The following FNDC3B variants were observed in gnomAD, a reference collection of about 807,000 sequenced individuals.
FNDC3B encodes the protein fibronectin type III domain-containing protein 3B.
Under a neutral mutation model 151.5 loss-of-function variants are expected in FNDC3B, and 12 were observed. That is an observed-to-expected ratio of 0.08 (90% CI 0.05 to 0.13). The LOEUF (loss-of-function observed/expected upper bound fraction) is 0.13, where lower values mean the gene tolerates loss of function less well. FNDC3B is among the 10% of genes least tolerant of loss of function. The pLI is 1.00. For synonymous variants in FNDC3B, 528 were observed against 549.0 expected, an observed-to-expected ratio of 0.96 and a Z score of 0.54; for missense variants, 1,214 against 1,505.3, an observed-to-expected ratio of 0.81 and a Z score of 3.20.
At chr3:172,276,202 C>T (rs1729423196) in intron 6 of FNDC3B, among the ~76,000 whole-genome samples, 1 of 152,184 alleles carries the variant, frequency 6.6e-6, no homozygotes, top group Non-Finnish European at 1.5e-5. Context: ...CACTTGCAGT[C>T]TAGTGGCACT....
intron 13 of FNDC3B, among the ~76,000 whole-genome samples, chr3:172,331,259 C>T (rs1418092047): frequency 1.3e-5 from 2 of 152,164 alleles, no homozygotes; most frequent in Non-Finnish European, 2.9e-5. Context: ...ATCCCTAGAG[C>T]TCTTACAATG....
Position 172,046,109 on chromosome 3 carries a change from C to T in FNDC3B, c.-29+6338C>T, listed in dbSNP as rs369155992. ...TCAGGGGACAGAAATGTTTTTAAAACCACCAAGTATAAATCACATAAGATC... is the reference window on the plus strand; with the variant it reads ...TCAGGGGACAGAAATGTTTTTAAAATCACCAAGTATAAATCACATAAGATC... On this transcript the variant is annotated intron_variant, in intron 1 of 25. Transcript: ENST00000415807. Among the ~76,000 whole-genome samples the T allele has an allele frequency of 8.5e-5, 13 of 152,270 alleles. No individual in the cohort carries two copies. In the East Asian group the frequency reaches 1.2e-3, roughly 14 times the overall value.
chr3:172,098,629 A>C (rs150804800), intron 1 of FNDC3B, among the ~76,000 whole-genome samples: 88 of 152,332 alleles, frequency 5.8e-4, no homozygotes, highest in Admixed American at 3.7e-3. Context: ...TTTGAGAAAA[A>C]CAATTATGGC....
intron 23 of FNDC3B, among the ~76,000 whole-genome samples, chr3:172,374,131 G>GA (rs1341432936): frequency 6.6e-6 from 1 of 152,186 alleles, no homozygotes; most frequent in African/African-American, 2.4e-5. Flanking sequence ...CCGCCTGAGG[G>GA]AGAGTAAACA....
At chr3:172,303,302 T>C (rs1328132568) in intron 9 of FNDC3B, among the ~76,000 whole-genome samples, 1 of 152,204 alleles carries the variant, frequency 6.6e-6, no homozygotes, top group Non-Finnish European at 1.5e-5. Flanking sequence ...TTTCTAGTCA[T>C]CCGCCTAAAC....
chr3:172,187,026 G>A (rs1254035156), intron 3 of FNDC3B: 13 of 348,734 alleles, frequency 3.7e-5, no homozygotes, highest in Admixed American at 1.9e-4. Flanking sequence ...ATGCTTATTA[G>A]TCCACCTGAA....
intron 6 of FNDC3B, among the ~76,000 whole-genome samples, chr3:172,269,947 T>C (rs1407621948): frequency 4.6e-5 from 7 of 152,200 alleles, no homozygotes; most frequent in Non-Finnish European, 7.3e-5. Context: ...GCACGCGGCC[T>C]AAATCTGTGC....
chr3:172,296,169 G>A (rs1730592635), intron 8 of FNDC3B, among the ~76,000 whole-genome samples: 1 of 152,200 alleles, frequency 6.6e-6, no homozygotes, highest in South Asian at 2.1e-4. Context: ...TGCAGAGCAG[G>A]AAATCAGAAA....
chr3:172,071,589 A>G (rs972416760), intron 1 of FNDC3B, among the ~76,000 whole-genome samples: 2 of 151,996 alleles, frequency 1.3e-5, no homozygotes, highest in Non-Finnish European at 2.9e-5. Flanking sequence ...ATTTTTTTTT[A>G]TTCTCTGTGA....
rs183549883 is a variant in FNDC3B, at chr3:172,274,439, G to A, written c.791-11487G>A. On this transcript the variant is annotated intron_variant, in intron 6 of 25. Transcript: ENST00000415807. ...CCCCAAGAAGAAGTAGACTTGGACC[G>A]AAAATCAGAAGACAAGAAGACCTGA... 3.4e-3 allele frequency among the ~76,000 whole-genome samples: 512 copies of A among 152,180 alleles called. 1 individual carries two copies. Among genetic ancestry groups the A allele is most frequent in the African/African-American group, 0.012 (484 of 41,526 alleles).
chr3:172,272,754 C>A (rs1231467886), intron 6 of FNDC3B, among the ~76,000 whole-genome samples: 2 of 152,124 alleles, frequency 1.3e-5, no homozygotes, highest in Non-Finnish European at 2.9e-5. Context: ...AAAATTAACA[C>A]CTGCTAGGGA....
At chr3:172,104,246 T>C (rs1473342101) in intron 1 of FNDC3B, among the ~76,000 whole-genome samples, 1 of 152,158 alleles carries the variant, frequency 6.6e-6, no homozygotes, top group African/African-American at 2.4e-5. Flanking sequence ...ACATACTCCC[T>C]TAAGATCAGA....
Position 172,336,996 on chromosome 3 carries a change from C to A in FNDC3B, c.1781-334C>A, listed in dbSNP as rs542084078. 5.9e-5 allele frequency among the ~76,000 whole-genome samples: 9 copies of A among 151,412 alleles called. No homozygotes were observed. The South Asian group carries it at 1.9e-3, about 32-fold the overall frequency. On this transcript the variant is annotated intron_variant, in intron 15 of 25. Coordinates refer to ENST00000415807, the MANE Select transcript of FNDC3B (RefSeq NM_022763.4). ...TCAGAAATATGAACATACAGTCTTACATAAAAATCATCAAATATATTAAAG... is the reference window on the plus strand; with the variant it reads ...TCAGAAATATGAACATACAGTCTTAAATAAAAATCATCAAATATATTAAAG...
chr3:172,329,169 G>C (rs1349394372), intron 12 of FNDC3B, 93 bp downstream of exon 12: 2 of 1,387,270 alleles, frequency 1.4e-6, no homozygotes, highest in Admixed American at 2.1e-5. Context: ...GAAGCCTGCT[G>C]CCTCCACACT....
At chr3:172,261,377 A>G (rs542090506) in intron 6 of FNDC3B, among the ~76,000 whole-genome samples, 3 of 152,326 alleles carry the variant, frequency 2.0e-5, no homozygotes, top group South Asian at 4.1e-4. Context: ...ATGGAGCTCT[A>G]GGATCTTTAC....
At chr3:172,073,674 T>A (rs987155039) in intron 1 of FNDC3B, among the ~76,000 whole-genome samples, 4 of 152,192 alleles carry the variant, frequency 2.6e-5, no homozygotes, top group Non-Finnish European at 1.5e-5. Context: ...ACACTTTTAA[T>A]GATGATTCAA....
rs1729985995 is a variant in FNDC3B, at chr3:172,285,935, T to C, written c.800T>C (p.Leu267Ser). The C allele has an allele frequency of 4.3e-6, 7 of 1,612,996 alleles. No individual in the cohort carries two copies. Among genetic ancestry groups the C allele is most frequent in the Non-Finnish European group, 5.9e-6 (7 of 1,179,364 alleles). ...SNDSDLQEYELEVKRVQDILS... is the reference protein window; with the variant it reads ...SNDSDLQEYESEVKRVQDILS... ...CTTTTTCGCAATGCAGAATATGAGT[T>C]GGAAGTAAAGAGGGTGCAAGACATT... Residue 267 changes from leucine (L) to serine (S), a missense_variant, in exon 7 of 26, where the codon TTG becomes TCG. Transcript: ENST00000415807.
chr3:172,136,042 A>C (rs539218074), intron 3 of FNDC3B, among the ~76,000 whole-genome samples: 2 of 152,210 alleles, frequency 1.3e-5, no homozygotes, highest in African/African-American at 2.4e-5. Context: ...ACACATAAGG[A>C]AGCTGAGGCC....
intron 3 of FNDC3B, among the ~76,000 whole-genome samples, chr3:172,155,120 A>G (rs1722420004): frequency 6.6e-6 from 1 of 152,190 alleles, no homozygotes; most frequent in Non-Finnish European, 1.5e-5. Flanking sequence ...CTGGATATGG[A>G]AAATTACCAA....
Sources: gnomAD v4.1 joint callset for allele counts (sites outside exome capture counted in the v4.1 genomes callset) on GRCh38, gnomAD v4.1.1 for gene constraint, MANE v1.5 for transcripts, NCBI Gene and HGNC (gene_info 2026-07-23, HGNC 2026-07-21) for gene names.